Variants in SPATS2L observed in about 807,000 individuals in gnomAD.
SPATS2L encodes the protein SPATS2-like protein.
A neutral mutation model predicts 59.6 loss-of-function variants in SPATS2L; 30 were observed. The ratio of observed to expected loss-of-function variants is 0.50; its 90% confidence interval spans 0.38 to 0.68. The LOEUF is 0.68. Among genes scored for constraint, SPATS2L ranks in the 30% least tolerant of loss-of-function variants. The pLI, the probability that SPATS2L is intolerant of heterozygous loss-of-function variation, is 0.00. For synonymous variants in SPATS2L, 252 were observed against 263.5 expected, an observed-to-expected ratio of 0.96 and a Z score of 0.42; for missense variants, 615 against 700.0, an observed-to-expected ratio of 0.88 and a Z score of 1.37.
Position 200,381,299 on chromosome 2 carries a change from C to T in SPATS2L, c.-22-7924C>T, listed in dbSNP as rs79994557. The stretch of plus-strand genomic sequence containing the variant: ...TGTACATCATTGGAGACAGCACCCA[C>T]GCCTTTTATAAGTGTTTCCATCAAC... On this transcript the variant is annotated intron_variant, in intron 2 of 12. Coordinates refer to ENST00000409140, the MANE Select transcript of SPATS2L (RefSeq NM_001100423.2). 2.5e-3 allele frequency among the ~76,000 whole-genome samples: 374 copies of T among 152,262 alleles called. 1 individual carries two copies. The highest frequency in any genetic ancestry group is 4.0e-3 in the Non-Finnish European group (275 of 68,018).
chr2:200,348,380 A>C (rs564479015), intron 2 of SPATS2L, among the ~76,000 whole-genome samples: 159 of 152,360 alleles, frequency 1.0e-3, no homozygotes, highest in African/African-American at 3.8e-3. Context: ...GTTCAGATGG[A>C]CTTCAATTAG....
intron 1 of SPATS2L, among the ~76,000 whole-genome samples, chr2:200,308,062 A>G (rs1240831360): frequency 6.6e-6 from 1 of 152,200 alleles, no homozygotes; most frequent in Admixed American, 6.5e-5. Flanking sequence ...TGTGCAGAGA[A>G]AGTGGTTTTA....
At chr2:200,473,190 C>T in intron 12 of SPATS2L, 138 bp downstream of exon 12, 3 of 779,880 alleles carry the variant, frequency 3.8e-6, no homozygotes, top group South Asian at 1.9e-5. Context: ...ACCCACTCCC[C>T]ACCCAGCAGC....
chr2:200,343,865 T>C (rs2105826406), intron 2 of SPATS2L, among the ~76,000 whole-genome samples: 1 of 152,224 alleles, frequency 6.6e-6, no homozygotes, highest in East Asian at 1.9e-4. Flanking sequence ...CATATTTTGC[T>C]TAATATATGT....
chr2:200,316,601 C>CA (rs1268201531), intron 1 of SPATS2L, among the ~76,000 whole-genome samples: 1 of 152,232 alleles, frequency 6.6e-6, no homozygotes, highest in African/African-American at 2.4e-5. Flanking sequence ...AGCCATAACT[C>CA]AGTCTTGTTC....
At chr2:200,425,169 A>G (rs1408672676) in intron 6 of SPATS2L, among the ~76,000 whole-genome samples, 1 of 118,354 alleles carries the variant, frequency 8.4e-6, no homozygotes, top group Non-Finnish European at 1.6e-5. Flanking sequence ...TGTAACAAAC[A>G]ACAACAAAAA....
chr2:200,361,544 C>T (rs1312357626), intron 2 of SPATS2L, among the ~76,000 whole-genome samples: 1 of 152,218 alleles, frequency 6.6e-6, no homozygotes, highest in African/African-American at 2.4e-5. Context: ...ATACATTTCT[C>T]CAAATCGTTA....
chr2:200,379,099 T>A lies in SPATS2L; in HGVS notation c.-22-10124T>A, dbSNP rs181475997. ...AATTCTTCCAGTTCTTAATCTCATT[T>A]CCTTCCCCACTTCCTTGCCTGGCGT... On this transcript the variant is annotated intron_variant, in intron 2 of 12. Transcript: ENST00000409140. Among the ~76,000 whole-genome samples the A allele has an allele frequency of 3.3e-5, 5 of 152,288 alleles. No homozygotes were observed. The East Asian group carries it at 7.7e-4, about 24-fold the overall frequency.
intron 8 of SPATS2L, among the ~76,000 whole-genome samples, chr2:200,443,508 C>G (rs139204402): frequency 1.4e-3 from 216 of 152,204 alleles, no homozygotes; most frequent in Non-Finnish European, 2.3e-3. Context: ...AATGCCAGTT[C>G]TGAGAGAGAT....
At chr2:200,389,923 A>G (rs978420269) in intron 3 of SPATS2L, 2 of 152,310 alleles carry the variant, frequency 1.3e-5, no homozygotes, top group South Asian at 2.1e-4. Flanking sequence ...CTGCCTTGTA[A>G]TGTTAGCTCT....
chr2:200,382,065 C>T (rs997816452), intron 2 of SPATS2L, among the ~76,000 whole-genome samples: 2 of 151,940 alleles, frequency 1.3e-5, no homozygotes, highest in African/African-American at 2.4e-5. Flanking sequence ...TTGGTGGGGT[C>T]GGGGTTGTGG....
intron 9 of SPATS2L, among the ~76,000 whole-genome samples, chr2:200,465,085 A>G (rs536533395): frequency 3.9e-5 from 6 of 152,354 alleles, no homozygotes; most frequent in African/African-American, 9.6e-5. Flanking sequence ...GGTGCCATGG[A>G]CACAAAGAAC....
Position 200,331,929 on chromosome 2 carries a change from A to G in SPATS2L, c.-23+2449A>G, listed in dbSNP as rs842819. Among the ~76,000 whole-genome samples, 857 of 152,018 alleles carry G rather than the reference A, an allele frequency of 5.6e-3. 9 individuals are homozygous for G. Among genetic ancestry groups the G allele is most frequent in the African/African-American group, 0.02 (818 of 41,432 alleles). On this transcript the variant is annotated intron_variant, in intron 2 of 12. Coordinates refer to ENST00000409140, the MANE Select transcript of SPATS2L (RefSeq NM_001100423.2). ...TATGATGGTAATGAAAACACTGGAG[A>G]CTCTGAATTTGGAATCAATCTCTGT...
chr2:200,396,034 AT>A (rs377421656), intron 3 of SPATS2L, among the ~76,000 whole-genome samples: 2,247 of 18,270 alleles, frequency 0.12, 204 homozygotes, highest in Non-Finnish European at 0.2. Flanking sequence ...AAAAAAAAAA[AT>A]ATATATATAT....
Position 200,459,682 on chromosome 2 carries a change from GA to G in SPATS2L, c.789-83del, listed in dbSNP as rs1392447404. On this transcript the variant is annotated intron_variant, in intron 8 of 12. Coordinates refer to ENST00000409140, the MANE Select transcript of SPATS2L (RefSeq NM_001100423.2). ...ATGGTAATTTTGTATTTTGTTTAATGAAAATAATTTTACTTTCAGTGCTTAT... is the reference window on the plus strand; with the variant it reads ...ATGGTAATTTTGTATTTTGTTTAATGAAATAATTTTACTTTCAGTGCTTAT... 1.1e-5 allele frequency: 11 copies of G among 1,030,726 alleles called. 1 individual carries two copies. In the African/African-American group the frequency reaches 1.5e-4, roughly 14 times the overall value. The allele number at this position is 1,030,726 out of a possible 1,614,324, so 63.8% of individuals were successfully genotyped here.
At chr2:200,341,963 C>T (rs748914939) in intron 2 of SPATS2L, among the ~76,000 whole-genome samples, 5 of 152,158 alleles carry the variant, frequency 3.3e-5, no homozygotes, top group African/African-American at 4.8e-5. Flanking sequence ...GCTGGGATTA[C>T]AGGCGTGAGC....
intron 5 of SPATS2L, among the ~76,000 whole-genome samples, chr2:200,418,761 CAAG>C (rs987440398): frequency 2.1e-4 from 32 of 152,222 alleles, no homozygotes; most frequent in African/African-American, 5.3e-4. Flanking sequence ...CCTCATTTTA[CAAG>C]AAGAAGTTGC....
intron 3 of SPATS2L, 116 bp from the exon 4 acceptor site, chr2:200,412,195 T>C (rs2082898442): frequency 3.4e-6 from 2 of 583,986 alleles, no homozygotes; most frequent in East Asian, 6.0e-5. Context: ...GAAGGTAGAT[T>C]AGTTGGCTTT....
At chr2:200,387,791 G>T (rs537804554) in intron 2 of SPATS2L, among the ~76,000 whole-genome samples, 2 of 152,258 alleles carry the variant, frequency 1.3e-5, no homozygotes, top group East Asian at 3.9e-4. Context: ...TGATATCTTG[G>T]CCTGACTGGC....
Sources: allele counts gnomAD v4.1 joint callset (sites outside exome capture counted in the v4.1 genomes callset), GRCh38; gene constraint gnomAD v4.1.1; transcripts MANE v1.5; gene names NCBI Gene and HGNC (gene_info 2026-07-23, HGNC 2026-07-21).